Variants in RABGAP1 observed in about 807,000 individuals in gnomAD.
RABGAP1 encodes rab GTPase-activating protein 1.
In RABGAP1, 23 loss-of-function variants were observed where a neutral mutation model predicts 137.6. The observed-to-expected ratio is 0.17, with a 90% CI of 0.12 to 0.24. RABGAP1 has a LOEUF of 0.24. RABGAP1 is among the 10% of genes least tolerant of loss of function. The probability of loss-of-function intolerance (pLI) is 1.00; values close to 1 mark genes in which losing one functional copy is unlikely to be tolerated. For missense variants in RABGAP1, 906 were observed against 1,275.8 expected (o/e 0.71, Z 4.42); for synonymous variants, 451 against 450.7 (o/e 1.00, Z -0.01).
chr9:122,980,807 A>G lies in RABGAP1; in HGVS notation c.151-3678A>G, dbSNP rs550474274. Among the ~76,000 whole-genome samples the G allele has an allele frequency of 2.0e-5, 3 of 152,338 alleles. No homozygotes were observed. The South Asian group carries it at 6.2e-4, about 32-fold the overall frequency. On this transcript the variant is annotated intron_variant, in intron 2 of 25. Coordinates refer to ENST00000373647, the MANE Select transcript of RABGAP1 (RefSeq NM_012197.4). ...TTTTCAAACTTTGTTACATGTGAAC[A>G]TCTCATGGGGTGCAAAATGTAGATT...
Position 123,101,682 on chromosome 9 carries a change from G to T in RABGAP1, c.3006G>T (p.Thr1002=). ...LDEDTDEEKE[T]LKNQLREMEL... ...AGGACACGGATGAAGAGAAAGAGAC[G>T]CTCAAGAACCAGCTGAGAGAAATGG... The change falls in exon 25 of 26, where the codon ACG becomes ACT. Residue 1002 remains threonine (T), a synonymous_variant. Transcript: ENST00000373647. The T allele has an allele frequency of 1.2e-6, 2 of 1,613,954 alleles. No individual in the cohort carries two copies.
chr9:123,092,751 CGT>C (rs958970025), intron 21 of RABGAP1, among the ~76,000 whole-genome samples: 2 of 152,144 alleles, frequency 1.3e-5, no homozygotes, highest in African/African-American at 2.4e-5. Flanking sequence ...CAGAGTAGGC[CGT>C]GTTGTAGAAG....
At chr9:122,972,548 C>T (rs1835524504) in intron 2 of RABGAP1, among the ~76,000 whole-genome samples, 2 of 152,100 alleles carry the variant, frequency 1.3e-5, no homozygotes, top group African/African-American at 2.4e-5. Flanking sequence ...AATTATACCA[C>T]GTGGATTCTC....
chr9:123,024,162 C>A (rs781731095), intron 13 of RABGAP1, among the ~76,000 whole-genome samples: 1 of 152,030 alleles, frequency 6.6e-6, no homozygotes, highest in Admixed American at 6.6e-5. Context: ...TTTCTTCTTC[C>A]CGTTTTGCTT....
At chr9:122,960,251 A>G (rs1834778743) in intron 2 of RABGAP1, among the ~76,000 whole-genome samples, 1 of 152,222 alleles carries the variant, frequency 6.6e-6, no homozygotes, top group Non-Finnish European at 1.5e-5. Flanking sequence ...CACTTCAAAG[A>G]TACCCAAGTT....
At chr9:122,955,455 A>C (rs150681602) in intron 1 of RABGAP1, among the ~76,000 whole-genome samples, 1,634 of 152,318 alleles carry the variant, frequency 0.011, 35 homozygotes, top group African/African-American at 0.037. Flanking sequence ...CATACTATGT[A>C]TTTAGATTTG....
chr9:123,041,562 T>A (rs2032953342), intron 13 of RABGAP1, among the ~76,000 whole-genome samples: 1 of 152,198 alleles, frequency 6.6e-6, no homozygotes, highest in African/African-American at 2.4e-5. Context: ...AGATTGAATA[T>A]GCATATTTCT....
intron 20 of RABGAP1, 55 bp from the exon 21 acceptor site, chr9:123,090,220 T>A: frequency 7.1e-7 from 1 of 1,400,936 alleles, no homozygotes; most frequent in Non-Finnish European, 9.8e-7. Context: ...CCTGAGAAAT[T>A]TTCATTTCCA....
intron 1 of RABGAP1, among the ~76,000 whole-genome samples, chr9:122,951,705 C>T (rs1834260959): frequency 6.6e-6 from 1 of 151,872 alleles, no homozygotes; most frequent in South Asian, 2.1e-4. Flanking sequence ...AAGTAGCTGG[C>T]ACTACAGGCA....
intron 13 of RABGAP1, among the ~76,000 whole-genome samples, chr9:123,064,519 A>G (rs1219124369): frequency 6.6e-6 from 1 of 152,196 alleles, no homozygotes; most frequent in East Asian, 1.9e-4. Context: ...GTTCTTTGGT[A>G]GTATACTGAT....
At chr9:122,992,765 TA>T (rs1836805287) in intron 6 of RABGAP1, among the ~76,000 whole-genome samples, 1 of 148,558 alleles carries the variant, frequency 6.7e-6, no homozygotes, top group South Asian at 2.1e-4. Context: ...TATTATTATA[TA>T]AAACCTATTA....
intron 13 of RABGAP1, among the ~76,000 whole-genome samples, chr9:123,058,205 A>C (rs879371754): frequency 1.3e-5 from 2 of 152,186 alleles, no homozygotes; most frequent in Non-Finnish European, 2.9e-5. Flanking sequence ...GCATATCCCA[A>C]AGCTGGAGAT....
chr9:123,075,133 A>G (rs2034471834), intron 17 of RABGAP1, among the ~76,000 whole-genome samples: 2 of 152,100 alleles, frequency 1.3e-5, no homozygotes, highest in South Asian at 4.1e-4. Context: ...AGAAAATATA[A>G]GTAAAAATAA....
At chr9:123,003,834 C>T (rs1371620316) in intron 10 of RABGAP1, among the ~76,000 whole-genome samples, 2 of 152,096 alleles carry the variant, frequency 1.3e-5, no homozygotes, top group African/African-American at 2.4e-5. Context: ...TGACATAAGG[C>T]GAACAAAAGA....
intron 2 of RABGAP1, among the ~76,000 whole-genome samples, chr9:122,967,433 A>C (rs1835219425): frequency 6.6e-6 from 1 of 152,216 alleles, no homozygotes; most frequent in African/African-American, 2.4e-5. Context: ...TTTAGTAAAA[A>C]GGGTATGTTA....
At chr9:123,005,820 A>G (rs1045789579) in intron 10 of RABGAP1, among the ~76,000 whole-genome samples, 1 of 152,224 alleles carries the variant, frequency 6.6e-6, no homozygotes, top group Non-Finnish European at 1.5e-5. Flanking sequence ...TACATATGCT[A>G]TTGTTATATT....
rs1326787322 is a variant in RABGAP1, at chr9:122,952,539, A to G, written c.-49-4472A>G. 2.0e-5 allele frequency among the ~76,000 whole-genome samples: 3 copies of G among 151,988 alleles called. No homozygotes were observed. In the East Asian group the frequency reaches 5.8e-4, roughly 29 times the overall value. ...CGCCTCGGCCTCCCAAAGTGCTGGG[A>G]TTACAGATGTGAGTCACTGTGCCTG... On this transcript the variant is annotated intron_variant, in intron 1 of 25. Transcript: ENST00000373647.
rs543331542 is a variant in RABGAP1, at chr9:123,104,307, G to C, written c.*1094G>C. On this transcript the variant is annotated 3_prime_UTR_variant, in exon 26 of 26. Transcript: ENST00000373647. ...CCATCCTCCGGGCCTGTCCCTCCCA[G>C]ATGGGCTGGGCCTTTGGGCCCTCCT... The C allele has an allele frequency of 6.6e-6, 1 of 152,578 alleles. No individual in the cohort carries two copies. Among genetic ancestry groups the C allele is most frequent in the South Asian group, 2.1e-4 (1 of 4,822 alleles). The allele number at this position is 152,578 out of a possible 1,614,324, so 9.5% of individuals were successfully genotyped here.
At chr9:122,966,048 C>T (rs1835128986) in intron 2 of RABGAP1, among the ~76,000 whole-genome samples, 1 of 152,084 alleles carries the variant, frequency 6.6e-6, no homozygotes, top group African/African-American at 2.4e-5. Flanking sequence ...ATGCCATTTA[C>T]TGAGATGGGA....
Sources: allele counts gnomAD v4.1 joint callset (sites outside exome capture counted in the v4.1 genomes callset), GRCh38; gene constraint gnomAD v4.1.1; transcripts MANE v1.5; gene names NCBI Gene and HGNC (gene_info 2026-07-23, HGNC 2026-07-21).